DOP1A: variants seen among roughly 807,000 people sequenced by gnomAD.
DOP1A encodes DOP1 leucine zipper like protein A.
DOP1A carries 90 observed loss-of-function variants against 267.6 expected under a neutral mutation model. The ratio of observed to expected loss-of-function variants is 0.34; its 90% confidence interval spans 0.28 to 0.40. The LOEUF is 0.40. Among genes scored for constraint, DOP1A ranks in the 10% least tolerant of loss-of-function variants. The probability of loss-of-function intolerance (pLI) is 1.00; values close to 1 mark genes in which losing one functional copy is unlikely to be tolerated. For missense variants in DOP1A, 2,437 were observed against 2,900.4 expected (o/e 0.84, Z 3.67); for synonymous variants, 932 against 999.1 (o/e 0.93, Z 1.27).
At chr6:83,134,351 TC>T in intron 19 of DOP1A, 64 bp downstream of exon 19, 1 of 1,395,682 alleles carries the variant, frequency 7.2e-7, no homozygotes, top group Non-Finnish European at 9.9e-7. Context: ...TTTCCTTGAG[TC>T]CACTGTCTAG....
chr6:83,068,763 A>C (rs1785124233), intron 1 of DOP1A, among the ~76,000 whole-genome samples: 1 of 152,226 alleles, frequency 6.6e-6, no homozygotes, highest in South Asian at 2.1e-4. Flanking sequence ...TAAGTAACTC[A>C]CCACCTGATA....
Position 83,100,882 on chromosome 6 carries a change from T to A in DOP1A, c.316T>A (p.Tyr106Asn), listed in dbSNP as rs756309710. 1 of 1,513,906 alleles carries A rather than the reference T, an allele frequency of 6.6e-7. No homozygotes were observed. The highest frequency in any genetic ancestry group is 8.9e-7 in the Non-Finnish European group (1 of 1,127,788). The allele number at this position is 1,513,906 out of a possible 1,614,324, so 93.8% of individuals were successfully genotyped here. A position where few individuals can be genotyped will look rare whatever the true frequency, so the allele number is the denominator to read the frequency against. ...GCGACTTGCCAAAGATCTTTTTTTA[T>A]ATAGGTAAGAATAATTTTACTATAT... ...PKRLAKDLFL[Y>N]SSGLFPLLAN... The change falls in exon 4 of 39, where the codon TAT becomes AAT. Residue 106 changes from tyrosine to asparagine, a missense_variant. Tyr to Asn is a moderately radical substitution (Grantham distance 143). Around this residue, in one of 9 missense-constraint regions of DOP1A, gnomAD observed 251 missense variants for 359.1 expected, o/e 0.70. Coordinates refer to ENST00000349129, the MANE Select transcript of DOP1A (RefSeq NM_015018.4).
intron 34 of DOP1A, among the ~76,000 whole-genome samples, chr6:83,156,867 C>G (rs1782912771): frequency 6.6e-6 from 1 of 151,364 alleles, no homozygotes; most frequent in African/African-American, 2.4e-5. Context: ...CAGTGCTACT[C>G]AAAGTATGGT....
chr6:83,134,554 T>C (rs1778582213), intron 19 of DOP1A: 2 of 331,564 alleles, frequency 6.0e-6, no homozygotes, highest in Non-Finnish European at 1.1e-5. Context: ...ATGTTAGTGA[T>C]AGAGCAATGG....
chr6:83,095,677 A>T (rs1174643109), intron 1 of DOP1A, among the ~76,000 whole-genome samples: 6 of 152,220 alleles, frequency 3.9e-5, no homozygotes, highest in Non-Finnish European at 7.4e-5. Flanking sequence ...AGTGGCCTAT[A>T]ACAAAATCTT....
At position 83,135,716 on chromosome 6, in the gene DOP1A, A is replaced by G; in HGVS notation, c.2968A>G (p.Ile990Val). The G allele has an allele frequency of 6.2e-7, 1 of 1,613,698 alleles. No homozygotes were observed. The highest frequency in any genetic ancestry group is 1.1e-5 in the South Asian group (1 of 91,070). The stretch of plus-strand genomic sequence containing the variant: ...GAACCAAGTCCTACAAAGACATGAT[A>G]TTGCACGAGTTTTGGAACCATTGCT... ...WLNQVLQRHD[I>V]ARVLEPLLLL... Residue 990 changes from isoleucine to valine, a missense_variant, in exon 20 of 39, where the codon ATT becomes GTT. By Grantham distance (29) the Ile-to-Val change is conservative. Around this residue, in one of 9 missense-constraint regions of DOP1A, gnomAD observed 878 missense variants for 992.9 expected, o/e 0.88. Transcript: ENST00000349129.
rs78493337 is a variant in DOP1A, at chr6:83,141,898, T to A, written c.5416-23T>A. 205 of 1,574,966 alleles carry A rather than the reference T, an allele frequency of 1.3e-4. No homozygotes were observed. The East Asian group carries it at 4.6e-3, about 35-fold the overall frequency. On this transcript the variant is annotated intron_variant, in intron 23 of 38. Transcript: ENST00000349129. Reference sequence around the variant, plus strand: ...TTTTCATTTTTTAAAAGTTTCACTTTCATTTGCTTCAAATTGTTTTAGAAC... The same window carrying A: ...TTTTCATTTTTTAAAAGTTTCACTTACATTTGCTTCAAATTGTTTTAGAAC...
chr6:83,116,279 A>G (rs1480536962), intron 7 of DOP1A, among the ~76,000 whole-genome samples: 17 of 152,206 alleles, frequency 1.1e-4, no homozygotes, highest in Admixed American at 1.1e-3. Context: ...CCACTGGTCT[A>G]TCTTGTACTT....
chr6:83,083,189 AAC>A (rs1768445401), intron 1 of DOP1A, among the ~76,000 whole-genome samples: 1 of 152,152 alleles, frequency 6.6e-6, no homozygotes, highest in South Asian at 2.1e-4. Context: ...TTATATTTTA[AAC>A]ACTATCAGTA....
intron 38 of DOP1A, 87 bp downstream of exon 38, chr6:83,163,006 A>C (rs1325863263): frequency 7.1e-7 from 1 of 1,411,970 alleles, no homozygotes; most frequent in Admixed American, 2.2e-5. Flanking sequence ...TGGGAAACTG[A>C]GAACGTTATC....
At position 83,096,999 on chromosome 6, in the gene DOP1A, T is replaced by C. The variant is rs889997925; in HGVS notation, c.22T>C (p.Leu8=). 3.7e-6 allele frequency: 6 copies of C among 1,614,002 alleles called. No homozygotes were observed. The highest frequency in any genetic ancestry group is 5.1e-6 in the Non-Finnish European group (6 of 1,179,952). MNTEELE[L]LSDSKYRNYV... ...GAGGATGAACACAGAAGAGCTGGAG[T>C]TATTGAGTGACTCCAAATACAGAAA... The change falls in exon 3 of 39, where the codon TTA becomes CTA. Residue 8 remains leucine (L), a synonymous_variant. Coordinates refer to ENST00000349129, the MANE Select transcript of DOP1A (RefSeq NM_015018.4).
chr6:83,134,111 A>T, intron 18 of DOP1A, 76 bp from the exon 19 acceptor site: 1 of 1,225,702 alleles, frequency 8.2e-7, no homozygotes, highest in Non-Finnish European at 1.2e-6. Context: ...ACTCCTAAAT[A>T]GTACTCTGAT....
At chr6:83,148,718 T>C (rs376820142) in intron 26 of DOP1A, 41 bp from the exon 27 acceptor site, 75 of 1,323,572 alleles carry the variant, frequency 5.7e-5, no homozygotes, top group Non-Finnish European at 7.6e-5. Context: ...TAGAAAACCA[T>C]AGTTTATTGT....
intron 1 of DOP1A, among the ~76,000 whole-genome samples, chr6:83,087,770 G>A (rs571898043): frequency 1.4e-4 from 21 of 152,340 alleles, no homozygotes; most frequent in African/African-American, 2.9e-4. Flanking sequence ...TACACTGTAA[G>A]GTTAGAAGAG....
intron 24 of DOP1A, among the ~76,000 whole-genome samples, chr6:83,143,423 AAT>A (rs984610302): frequency 9.9e-5 from 15 of 152,184 alleles, no homozygotes; most frequent in African/African-American, 3.6e-4. Flanking sequence ...TTTAAATAGA[AAT>A]AGAGAGCCAA....
Position 83,110,331 on chromosome 6 carries a change from G to A in DOP1A, c.681+17G>A, listed in dbSNP as rs372252039. Reference sequence around the variant, plus strand: ...GAGCTAATGGTAGGTCTAAAAATATGGTTGCTCATTTCACAAATATTTCTT... The same window carrying A: ...GAGCTAATGGTAGGTCTAAAAATATAGTTGCTCATTTCACAAATATTTCTT... On this transcript the variant is annotated intron_variant, in intron 6 of 38. Coordinates refer to ENST00000349129, the MANE Select transcript of DOP1A (RefSeq NM_015018.4). 1 of 1,605,652 alleles carries A rather than the reference G, an allele frequency of 6.2e-7. No individual in the cohort carries two copies. The highest frequency in any genetic ancestry group is 1.3e-5 in the African/African-American group (1 of 74,592).
At chr6:83,140,867 T>G (rs1348368470) in intron 23 of DOP1A, among the ~76,000 whole-genome samples, 1 of 151,948 alleles carries the variant, frequency 6.6e-6, no homozygotes, top group Non-Finnish European at 1.5e-5. Flanking sequence ...ATAACTTTAT[T>G]CCTTTTTTTT....
chr6:83,108,780 C>A, intron 4 of DOP1A, 130 bp from the exon 5 acceptor site: 1 of 820,752 alleles, frequency 1.2e-6, no homozygotes, highest in Non-Finnish European at 1.8e-6. Flanking sequence ...CATTCATATA[C>A]AGGTATCATT....
In DOP1A at chr6:83,125,520, G is replaced by T. The variant is rs1014449609; in HGVS notation, c.1506G>T (p.Gln502His). Residue 502 changes from glutamine (Q) to histidine (H), a missense_variant, in exon 15 of 39, where the codon CAG (glutamine) becomes CAT (histidine). Around this residue, in one of 9 missense-constraint regions of DOP1A, gnomAD observed 498 missense variants for 513.5 expected, o/e 0.97. Transcript: ENST00000349129. ...TTCAGGAGACTTACATTGAAATCCA[G>T]ACAGAACACTTGCCCCAGTTGCTGC... is the stretch of plus-strand genomic sequence containing the variant. Reference protein sequence around the residue: ...VLCQETYIEIQTEHLPQLLLR... With the variant: ...VLCQETYIEIHTEHLPQLLLR... The T allele has an allele frequency of 6.2e-7, 1 of 1,613,528 alleles. No homozygotes were observed. Among genetic ancestry groups the T allele is most frequent in the African/African-American group, 1.3e-5 (1 of 74,954 alleles).
Sources: gnomAD v4.1 joint callset for allele counts (sites outside exome capture counted in the v4.1 genomes callset) on GRCh38, gnomAD v4.1.1 for gene constraint, gnomAD v4.1.1 regional missense constraint, MANE v1.5 for transcripts, NCBI Gene and HGNC (gene_info 2026-07-23, HGNC 2026-07-21) for gene names.